SCLT1: variants seen among roughly 807,000 people sequenced by gnomAD.
SCLT1 encodes the protein sodium channel-associated protein 1.
A neutral mutation model predicts 112.8 loss-of-function variants in SCLT1; 78 were observed. That is an observed-to-expected ratio of 0.69 (90% confidence interval 0.58 to 0.83). SCLT1 has a LOEUF of 0.83. Among genes scored for constraint, SCLT1 ranks in the 40% least tolerant of loss-of-function variants. The pLI is 0.00. For missense variants in SCLT1, 747 were observed against 770.4 expected (o/e 0.97, Z 0.36); for synonymous variants, 257 against 254.7 (o/e 1.01, Z -0.09).
intron 18 of SCLT1, among the ~76,000 whole-genome samples, chr4:128,934,288 T>C (rs1229754003): frequency 1.3e-5 from 2 of 151,580 alleles, no homozygotes; most frequent in Non-Finnish European, 2.9e-5. Flanking sequence ...CATACATGTA[T>C]ATAAACACAC....
chr4:129,029,692 C>G (rs1349775106), intron 5 of SCLT1, among the ~76,000 whole-genome samples: 1 of 151,076 alleles, frequency 6.6e-6, no homozygotes. Flanking sequence ...AATAAACAAA[C>G]AAAAAAAACC....
At chr4:128,920,440 C>G (rs147745404) in intron 18 of SCLT1, among the ~76,000 whole-genome samples, 1 of 152,136 alleles carries the variant, frequency 6.6e-6, no homozygotes, top group Non-Finnish European at 1.5e-5. Context: ...TACAGGCACA[C>G]GCCACCACGC....
chr4:128,902,846 C>T (rs1412361612), intron 18 of SCLT1, among the ~76,000 whole-genome samples: 2 of 151,938 alleles, frequency 1.3e-5, no homozygotes, highest in African/African-American at 4.8e-5. Flanking sequence ...TCTCTATATC[C>T]TTATTCTTTG....
intron 1 of SCLT1, among the ~76,000 whole-genome samples, chr4:129,088,440 C>T (rs896065687): frequency 3.3e-5 from 5 of 152,152 alleles, no homozygotes; most frequent in African/African-American, 4.8e-5. Flanking sequence ...CAAATGCCTT[C>T]CCCATAAGAT....
chr4:128,901,332 T>C (rs1367391785), intron 18 of SCLT1, among the ~76,000 whole-genome samples: 3 of 152,214 alleles, frequency 2.0e-5, no homozygotes, highest in African/African-American at 7.2e-5. Context: ...CATGGAATAC[T>C]ATGGAGCCAT....
At chr4:129,046,665 T>C (rs774697535) in intron 2 of SCLT1, among the ~76,000 whole-genome samples, 8 of 152,124 alleles carry the variant, frequency 5.3e-5, no homozygotes, top group Non-Finnish European at 1.2e-4. Context: ...CTTATTGGTA[T>C]AGGCATTTCT....
chr4:128,997,553 A>AAT (rs1743116193), intron 8 of SCLT1, among the ~76,000 whole-genome samples: 1 of 151,840 alleles, frequency 6.6e-6, no homozygotes, highest in Non-Finnish European at 1.5e-5. Flanking sequence ...ATTCTTATTA[A>AAT]ATACCTGGCA....
intron 4 of SCLT1, chr4:129,040,087 C>T: frequency 1.5e-6 from 1 of 676,920 alleles, no homozygotes; most frequent in Non-Finnish European, 2.7e-6. Flanking sequence ...ACAGGCAGTT[C>T]TGCCAGCCTT....
At chr4:128,948,335 C>CAAAAAAAAAA (rs11312069) in intron 15 of SCLT1, among the ~76,000 whole-genome samples, 161 bp downstream of exon 15, 306 of 47,726 alleles carry the variant, frequency 6.4e-3, no homozygotes, top group Non-Finnish European at 8.5e-3. Flanking sequence ...GACTCCATTG[C>CAAAAAAAAAA]AAAAAAAAAA....
intron 2 of SCLT1, among the ~76,000 whole-genome samples, chr4:129,068,139 C>A (rs1750655793): frequency 6.6e-6 from 1 of 152,170 alleles, no homozygotes; most frequent in South Asian, 2.1e-4. Context: ...TGTCTCCAAT[C>A]TCATCCAGGT....
intron 18 of SCLT1, among the ~76,000 whole-genome samples, chr4:128,913,744 G>A (rs1238897567): frequency 6.6e-6 from 1 of 152,150 alleles, no homozygotes; most frequent in East Asian, 1.9e-4. Flanking sequence ...TACATACAGT[G>A]CCTATTGGCT....
At chr4:129,023,355 T>C (rs1418974233) in intron 5 of SCLT1, among the ~76,000 whole-genome samples, 1 of 151,684 alleles carries the variant, frequency 6.6e-6, no homozygotes, top group African/African-American at 2.4e-5. Context: ...GACTGGCAAA[T>C]AGGATAAAGA....
intron 13 of SCLT1, among the ~76,000 whole-genome samples, chr4:128,954,326 T>G (rs1012076966): frequency 2.7e-5 from 4 of 150,198 alleles, no homozygotes; most frequent in African/African-American, 9.8e-5. Flanking sequence ...AGTTTTTTTT[T>G]TTTTTTTTTT....
Position 128,884,378 on chromosome 4 carries a change from GCC to G in SCLT1, c.*97_*98del, listed in dbSNP as rs1206161685. 2 of 719,516 alleles carry G rather than the reference GCC, an allele frequency of 2.8e-6. No individual in the cohort carries two copies. The allele number at this position is 719,516 out of a possible 1,614,324, so 44.6% of individuals were successfully genotyped here. ...ACAATGCTTACGCGAAATAACACAA[GCC>G]TTAACTATTATACTTTGCAGGCTTT... On this transcript the variant is annotated 3_prime_UTR_variant, in exon 21 of 21. Transcript: ENST00000281142.
At chr4:129,031,918 C>T (rs1015500847) in intron 5 of SCLT1, among the ~76,000 whole-genome samples, 1 of 152,058 alleles carries the variant, frequency 6.6e-6, no homozygotes. Flanking sequence ...CATCAAGCTA[C>T]CATTGACTTT....
At chr4:129,086,231 A>G (rs1752385000) in intron 1 of SCLT1, among the ~76,000 whole-genome samples, 1 of 151,902 alleles carries the variant, frequency 6.6e-6, no homozygotes, top group Admixed American at 6.6e-5. Flanking sequence ...CTTAAATGTT[A>G]TTATTTCCTT....
At chr4:128,936,389 AAATAG>A (rs1737184646) in intron 18 of SCLT1, among the ~76,000 whole-genome samples, 1 of 152,122 alleles carries the variant, frequency 6.6e-6, no homozygotes, top group African/African-American at 2.4e-5. Context: ...TTTGCAGGCG[AAATAG>A]ATTTTGTTGC....
At chr4:128,935,584 T>G (rs1319464856) in intron 18 of SCLT1, among the ~76,000 whole-genome samples, 1 of 152,044 alleles carries the variant, frequency 6.6e-6, no homozygotes. Flanking sequence ...TTTGTGGGGT[T>G]GCTGTAAAGA....
At chr4:129,029,426 G>C (rs1746479310) in intron 5 of SCLT1, among the ~76,000 whole-genome samples, 1 of 150,920 alleles carries the variant, frequency 6.6e-6, no homozygotes. Context: ...CTGTCTCAAG[G>C]ACAAAAAACC....
Sources: gnomAD v4.1 joint callset for allele counts (sites outside exome capture counted in the v4.1 genomes callset) on GRCh38, gnomAD v4.1.1 for gene constraint, MANE v1.5 for transcripts, NCBI Gene and HGNC (gene_info 2026-07-23, HGNC 2026-07-21) for gene names.